The following OOSP4B variants were observed in gnomAD, a reference collection of about 807,000 sequenced individuals.
OOSP4B encodes the protein oocyte secreted protein family member 4B.
intron 2 of OOSP4B, among the ~76,000 whole-genome samples, chr11:60,024,371 C>A (rs796457989): frequency 5.3e-5 from 8 of 152,278 alleles, no homozygotes; most frequent in African/African-American, 1.9e-4. Flanking sequence ...TAAACCCAGT[C>A]TCTGCTAAAA....
At position 60,030,790 on chromosome 11, in the gene OOSP4B, C is replaced by G. The variant is rs922253881; in HGVS notation, c.451-12C>G. ...AAGCAGCTCTTAACTGCTTTTCCCC[C>G]CTATCCTACAGGAGCAACTATCCAA... On this transcript the variant is annotated splice_polypyrimidine_tract_variant and intron_variant, in intron 4 of 4. Transcript: ENST00000642343. 1 of 397,972 alleles carries G rather than the reference C, an allele frequency of 2.5e-6. No individual in the cohort carries two copies. The highest frequency in any genetic ancestry group is 2.1e-5 in the African/African-American group (1 of 48,548). 24.7% of individuals were successfully genotyped at this position (397,972 alleles called of 1,614,324 possible).
chr11:60,019,119 A>T (rs539664778), intron 1 of OOSP4B, among the ~76,000 whole-genome samples: 1 of 152,270 alleles, frequency 6.6e-6, no homozygotes, highest in Non-Finnish European at 1.5e-5. Context: ...ACTACTCAGG[A>T]GGCTGAGGCA....
intron 4 of OOSP4B, 30 bp downstream of exon 4, chr11:60,029,959 G>A (rs1019579182): frequency 1.0e-5 from 4 of 397,844 alleles, no homozygotes; most frequent in Non-Finnish European, 1.8e-5. Context: ...TTATTTTATA[G>A]TTAACCACAA....
intron 4 of OOSP4B, 69 bp downstream of exon 4, chr11:60,029,998 A>G: frequency 2.5e-6 from 1 of 396,582 alleles, no homozygotes; most frequent in Non-Finnish European, 4.4e-6. Context: ...AAGGAAGGCA[A>G]TGATGTAAAT....
At chr11:60,022,815 G>A (rs1854707362) in intron 1 of OOSP4B, among the ~76,000 whole-genome samples, 2 of 151,900 alleles carry the variant, frequency 1.3e-5, no homozygotes, top group South Asian at 2.1e-4. Context: ...GCCTGATATT[G>A]TAAAAATGTT....
exon 1 of OOSP4B, chr11:60,017,211 G>A (rs1276536140): frequency 1.8e-5 from 7 of 395,480 alleles, no homozygotes; most frequent in South Asian, 1.4e-4. Context: ...CAGGTGAAGT[G>A]TTGCAGCTAC....
chr11:60,024,032 C>G (rs1434049768), exon 2 of OOSP4B: 1 of 398,432 alleles, frequency 2.5e-6, no homozygotes, highest in Non-Finnish European at 4.4e-6. Context: ...GTTTTCTTAT[C>G]CTGTCACTTC....
rs1236268533 is a variant in OOSP4B at position 60,025,857 on chromosome 11, AGGAATGTATG to A, written c.302+856_302+865del. Among the ~76,000 whole-genome samples the A allele has an allele frequency of 6.6e-5, 10 of 152,214 alleles. No individual in the cohort carries two copies. In the South Asian group the frequency reaches 8.3e-4, roughly 13 times the overall value. On this transcript the variant is annotated intron_variant, in intron 3 of 4. Transcript: ENST00000642343. ...AGGTGTCCTTTTTGGCACTAATACG[AGGAATGTATG>A]GGAGTCCAGTGGTTTCACCCTCTGA... is the stretch of plus-strand genomic sequence containing the variant.
At chr11:60,030,667 A>C in intron 4 of OOSP4B, 135 bp from the exon 5 acceptor site, 1 of 395,244 alleles carries the variant, frequency 2.5e-6, no homozygotes, top group Non-Finnish European at 4.5e-6. Flanking sequence ...CATAGATTAC[A>C]TTTTAGGGTA....
At chr11:60,020,868 C>T (rs1854684594) in intron 1 of OOSP4B, among the ~76,000 whole-genome samples, 1 of 152,232 alleles carries the variant, frequency 6.6e-6, no homozygotes, top group African/African-American at 2.4e-5. Flanking sequence ...TGAGATCTCA[C>T]CACTGCACTC....
chr11:60,020,414 A>G (rs1166042118), intron 1 of OOSP4B, among the ~76,000 whole-genome samples: 1 of 148,840 alleles, frequency 6.7e-6, no homozygotes. Flanking sequence ...GCCAGGAGGC[A>G]GATAAGGCCT....
rs560608056 is a variant in OOSP4B at position 60,025,311 on chromosome 11, T to C, written c.302+306T>C. Among the ~76,000 whole-genome samples the C allele has an allele frequency of 3.9e-4, 60 of 152,318 alleles. 1 individual carries two copies. The Middle Eastern group carries it at 0.024, about 60-fold the overall frequency. On this transcript the variant is annotated intron_variant, in intron 3 of 4. Transcript: ENST00000642343. ...AGTGCTTCAGCATGCGTATCATGAATCAAGGATCAATAATTTACTTGAAGA... is the reference window on the plus strand; with the variant it reads ...AGTGCTTCAGCATGCGTATCATGAACCAAGGATCAATAATTTACTTGAAGA...
chr11:60,029,725 CAA>C (rs919349582), intron 3 of OOSP4B, 55 bp from the exon 4 acceptor site: 85 of 397,568 alleles, frequency 2.1e-4, no homozygotes, highest in Non-Finnish European at 3.5e-4. Context: ...ATTTTTCCCA[CAA>C]AAAATCTGTA....
At chr11:60,024,118 C>T in intron 2 of OOSP4B, 57 bp downstream of exon 2, 1 of 398,134 alleles carries the variant, frequency 2.5e-6, no homozygotes, top group East Asian at 3.6e-5. Flanking sequence ...TTCAGGGCTA[C>T]ATAGTATCAA....
intron 3 of OOSP4B, 94 bp from the exon 4 acceptor site, chr11:60,029,688 C>T (rs1854785320): frequency 2.5e-6 from 1 of 396,248 alleles, no homozygotes; most frequent in Non-Finnish European, 4.4e-6. Context: ...TTTGGGTTAT[C>T]ACTTATAACG....
At chr11:60,027,655 TAAAAAAAA>T (rs61649958) in intron 3 of OOSP4B, among the ~76,000 whole-genome samples, 11 of 62,234 alleles carry the variant, frequency 1.8e-4, no homozygotes, top group African/African-American at 2.8e-4. Flanking sequence ...GCTATGATAT[TAAAAAAAA>T]AAAAAAAAAA....
exon 4 of OOSP4B, chr11:60,029,811 G>A (rs1857735176): frequency 1.3e-5 from 5 of 398,226 alleles, no homozygotes; most frequent in Non-Finnish European, 1.8e-5. Context: ...ATGCATTTTG[G>A]AATGAGTGGG....
chr11:60,017,361 T>G, exon 1 of OOSP4B: 1 of 398,672 alleles, frequency 2.5e-6, no homozygotes, highest in Non-Finnish European at 4.4e-6. Context: ...CCATTTCTTG[T>G]TTTCTATGTT....
chr11:60,029,228 C>T (rs1196633166), intron 3 of OOSP4B, among the ~76,000 whole-genome samples: 2 of 152,154 alleles, frequency 1.3e-5, no homozygotes, highest in Non-Finnish European at 2.9e-5. Context: ...AAACCACATT[C>T]CTTTTTCTTA....
Sources: allele counts gnomAD v4.1 joint callset (sites outside exome capture counted in the v4.1 genomes callset), GRCh38; gene constraint gnomAD v4.1.1; transcripts MANE v1.5; gene names NCBI Gene and HGNC (gene_info 2026-07-23, HGNC 2026-07-21).